GSE1: variants seen among roughly 807,000 people sequenced by gnomAD.
GSE1 encodes the protein genetic suppressor element 1.
Under a neutral mutation model 112.6 loss-of-function variants are expected in GSE1, and 32 were observed. The ratio of observed to expected loss-of-function variants is 0.28; its 90% CI spans 0.21 to 0.38. The LOEUF (loss-of-function observed/expected upper bound fraction) is 0.38, where lower values mean the gene tolerates loss of function less well. GSE1 is among the 10% of genes least tolerant of loss of function. The pLI, the probability that GSE1 is intolerant of heterozygous loss-of-function variation, is 1.00. For synonymous variants in GSE1, 1,115 were observed against 735.6 expected (o/e 1.52, Z -8.35); for missense variants, 2,348 against 1,699.2 (o/e 1.38, Z -6.71).
At chr16:85,629,165 C>T (rs564893044) in intron 1 of GSE1, among the ~76,000 whole-genome samples, 22 of 152,358 alleles carry the variant, frequency 1.4e-4, no homozygotes, top group South Asian at 1.2e-3. Context: ...GCCAGCACCA[C>T]GCTTCCTGTA....
Position 85,565,286 on chromosome 16 carries a change from G to A in GSE1, c.37+8923G>A, listed in dbSNP as rs537629699. Among the ~76,000 whole-genome samples, 4 of 152,166 alleles carry A rather than the reference G, an allele frequency of 2.6e-5. No individual in the cohort carries two copies. In the South Asian group the frequency reaches 8.3e-4, roughly 32 times the overall value. ...GCGTGCCTGTAATCCCAGCTACTCA[G>A]GAGGCTGAGGCAGGAGAATCACTTG... On this transcript the variant is annotated intron_variant, in intron 1 of 2. Coordinates refer to the GSE1 transcript ENST00000635906.
chr16:85,496,308 T>C (rs980249530), intron 2 of GSE1, among the ~76,000 whole-genome samples: 1 of 152,218 alleles, frequency 6.6e-6, no homozygotes, highest in Non-Finnish European at 1.5e-5. Flanking sequence ...CCGGGATGGT[T>C]ACAACAGGTT....
chr16:85,451,115 T>C (rs1375797473), intron 2 of GSE1, among the ~76,000 whole-genome samples: 1 of 142,978 alleles, frequency 7.0e-6, no homozygotes, highest in African/African-American at 2.6e-5. Context: ...TTTATTCAGA[T>C]ATAGCTTACG....
At chr16:85,344,415 C>T (rs1450781599) in intron 1 of GSE1, among the ~76,000 whole-genome samples, 4 of 152,254 alleles carry the variant, frequency 2.6e-5, no homozygotes, top group African/African-American at 7.2e-5. Context: ...CTGCCCGAAG[C>T]TCCCAGGACG....
At chr16:85,382,505 C>G (rs729116) in intron 2 of GSE1, among the ~76,000 whole-genome samples, 126,540 of 152,014 alleles carry the variant, frequency 0.83, 52,858 homozygotes, top group Non-Finnish European at 0.87. Flanking sequence ...TGGGAAGATG[C>G]ACGTGGTCTG....
chr16:85,194,691 C>G (rs1187475621), intron 1 of GSE1, among the ~76,000 whole-genome samples: 1 of 152,190 alleles, frequency 6.6e-6, no homozygotes, highest in African/African-American at 2.4e-5. Flanking sequence ...GGCTGCAGGA[C>G]TTATCAGTGC....
rs141720492 is a variant in GSE1, at chr16:85,666,210, A to C, written c.2993A>C (p.Lys998Thr). Residue 998 changes from lysine (K) to threonine (T), a missense_variant, in exon 13 of 16, where the codon AAG becomes ACG. Transcript: ENST00000253458. ...CACTATATCCGGGGCGCTGCACCCA[A>C]GGACATTCCTGTGCCGCTGTCCCAC... ...MLHYIRGAAPKDIPVPLSHST... is the reference protein window; with the variant it reads ...MLHYIRGAAPTDIPVPLSHST... 1.2e-6 allele frequency: 2 copies of C among 1,613,706 alleles called. No individual in the cohort carries two copies. Among genetic ancestry groups the C allele is most frequent in the East Asian group, 2.2e-5 (1 of 44,880 alleles).
At chr16:85,233,507 C>G (rs1022366640) in intron 1 of GSE1, among the ~76,000 whole-genome samples, 2 of 152,162 alleles carry the variant, frequency 1.3e-5, no homozygotes, top group African/African-American at 4.8e-5. Flanking sequence ...CACACATGTG[C>G]CTGTGTGTTC....
chr16:85,590,009 CTG>C (rs2046913908), intron 1 of GSE1, among the ~76,000 whole-genome samples: 1 of 151,742 alleles, frequency 6.6e-6, no homozygotes, highest in African/African-American at 2.4e-5. Context: ...ACTGTGTGAC[CTG>C]TGTGAATGAA....
chr16:85,650,023 C>T (rs540894069), intron 3 of GSE1, among the ~76,000 whole-genome samples: 4 of 152,196 alleles, frequency 2.6e-5, no homozygotes, highest in Non-Finnish European at 4.4e-5. Context: ...CTTCCTTTCA[C>T]GCCTTCCCTG....
rs533305820 is a variant in GSE1 at position 85,559,507 on chromosome 16, C to G, written c.37+3144C>G. Among the ~76,000 whole-genome samples the G allele has an allele frequency of 3.9e-5, 6 of 152,350 alleles. No homozygotes were observed. In the East Asian group the frequency reaches 7.7e-4, roughly 20 times the overall value. ...TTGGTTTCTATGCCTGATGCCAGATCCCAGACACTGCAGGGAGCAAGGGCC... is the reference window on the plus strand; with the variant it reads ...TTGGTTTCTATGCCTGATGCCAGATGCCAGACACTGCAGGGAGCAAGGGCC... On this transcript the variant is annotated intron_variant, in intron 1 of 2. Coordinates refer to the GSE1 transcript ENST00000635906.
chr16:85,620,825 G>A (rs1273940628), intron 1 of GSE1, among the ~76,000 whole-genome samples: 1 of 152,022 alleles, frequency 6.6e-6, no homozygotes, highest in Non-Finnish European at 1.5e-5. Context: ...TGCTGTGTTG[G>A]GGAAGCCGTG....
chr16:85,329,570 C>G (rs186938209), intron 1 of GSE1, among the ~76,000 whole-genome samples: 74 of 152,084 alleles, frequency 4.9e-4, no homozygotes, highest in African/African-American at 1.7e-3. Context: ...CTCAGAGGCG[C>G]TCAGCAACAA....
chr16:85,304,094 GTC>G (rs1339783530), intron 1 of GSE1, among the ~76,000 whole-genome samples: 1 of 152,232 alleles, frequency 6.6e-6, no homozygotes, highest in Non-Finnish European at 1.5e-5. Context: ...TCCCTGGTGT[GTC>G]TCTCCATGGT....
intron 2 of GSE1, among the ~76,000 whole-genome samples, chr16:85,475,336 C>G (rs964869579): frequency 3.3e-5 from 5 of 152,208 alleles, no homozygotes; most frequent in Non-Finnish European, 5.9e-5. Flanking sequence ...TCAGGGCTGC[C>G]TGTACCTGGG....
intron 2 of GSE1, among the ~76,000 whole-genome samples, chr16:85,634,872 C>A (rs554888742): frequency 1.3e-5 from 2 of 152,258 alleles, no homozygotes; most frequent in East Asian, 3.9e-4. Context: ...TGGGGAGGGG[C>A]AGTGGGCGGC....
chr16:85,565,942 G>A (rs1022490607), intron 1 of GSE1, among the ~76,000 whole-genome samples: 2 of 152,228 alleles, frequency 1.3e-5, no homozygotes, highest in African/African-American at 4.8e-5. Flanking sequence ...CTGCAGCGCT[G>A]CCTAAGCACT....
intron 2 of GSE1, among the ~76,000 whole-genome samples, chr16:85,398,899 T>C (rs12925541): frequency 0.39 from 58,765 of 152,048 alleles, 11,929 homozygotes; most frequent in Middle Eastern, 0.46. Context: ...GGTATGTTTG[T>C]GTAGACATGT....
chr16:85,469,210 C>T (rs763595274), intron 2 of GSE1, among the ~76,000 whole-genome samples: 74 of 151,878 alleles, frequency 4.9e-4, no homozygotes, highest in Non-Finnish European at 9.6e-4. Flanking sequence ...GAGCCGAGAT[C>T]GTGCCATTGC....
Sources: allele counts gnomAD v4.1 joint callset (sites outside exome capture counted in the v4.1 genomes callset), GRCh38; gene constraint gnomAD v4.1.1; transcripts MANE v1.5; gene names NCBI Gene and HGNC (gene_info 2026-07-23, HGNC 2026-07-21).